Variants in OPCML observed in about 807,000 individuals in gnomAD.
OPCML encodes the protein opioid binding protein/cell adhesion molecule like.
OPCML carries 13 observed loss-of-function variants against 37.8 expected under a neutral mutation model. The observed-to-expected ratio is 0.34, with a 90% confidence interval of 0.22 to 0.55. OPCML has a LOEUF of 0.55. OPCML is among the 20% of genes least tolerant of loss of function. The pLI, the probability that OPCML is intolerant of heterozygous loss-of-function variation, is 0.91. For missense variants in OPCML, 341 were observed against 435.6 expected, an observed-to-expected ratio of 0.78 and a Z score of 1.93; for synonymous variants, 176 against 168.8, an observed-to-expected ratio of 1.04 and a Z score of -0.33.
chr11:133,160,864 G>A (rs1320260926), intron 1 of OPCML, among the ~76,000 whole-genome samples: 1 of 152,230 alleles, frequency 6.6e-6, no homozygotes, highest in East Asian at 1.9e-4. Flanking sequence ...GGATGGGAAG[G>A]AGACAAAGCC....
In OPCML at chr11:132,602,509, G is replaced by T. The variant is rs959571146; in HGVS notation, c.379+54578C>A. 2.0e-5 allele frequency among the ~76,000 whole-genome samples: 3 copies of T among 152,180 alleles called. No individual in the cohort carries two copies. The East Asian group carries it at 5.8e-4, about 29-fold the overall frequency. Reference sequence around the variant, plus strand: ...AAAATTCTGTTTGCTTCTGAGTCCCGGAAGGCAAGAGTTTGGTTCTCTCAC... The same window carrying T: ...AAAATTCTGTTTGCTTCTGAGTCCCTGAAGGCAAGAGTTTGGTTCTCTCAC... On this transcript the variant is annotated intron_variant, in intron 3 of 7. Transcript: ENST00000524381.
intron 2 of OPCML, among the ~76,000 whole-genome samples, chr11:132,904,519 T>C (rs1485523229): frequency 6.6e-6 from 1 of 152,202 alleles, no homozygotes; most frequent in Admixed American, 6.5e-5. Flanking sequence ...ATAAATGCAA[T>C]TTGGAGAATT....
Position 133,303,597 on chromosome 11 carries a change from C to T in OPCML, c.61+228667G>A, listed in dbSNP as rs1251732316. On this transcript the variant is annotated intron_variant, in intron 1 of 7. Coordinates refer to ENST00000524381, the MANE Select transcript of OPCML (RefSeq NM_001012393.5). The stretch of plus-strand genomic sequence containing the variant: ...TTGCATCACAATGGATATTTGAATC[C>T]GGTCTGATGTCGAATGAGACTTGCA... 3.9e-5 allele frequency among the ~76,000 whole-genome samples: 6 copies of T among 152,102 alleles called. No homozygotes were observed. In the East Asian group the frequency reaches 5.8e-4, roughly 15 times the overall value.
intron 1 of OPCML, among the ~76,000 whole-genome samples, chr11:133,449,699 G>A (rs1565640050): frequency 6.6e-6 from 1 of 151,472 alleles, no homozygotes; most frequent in Non-Finnish European, 1.5e-5. Context: ...CTCATCCTAT[G>A]AGAACACTTG....
At chr11:133,201,127 T>C (rs990171506) in intron 1 of OPCML, among the ~76,000 whole-genome samples, 1 of 152,068 alleles carries the variant, frequency 6.6e-6, no homozygotes, top group Admixed American at 6.6e-5. Context: ...AGGGGCCCAC[T>C]TGAGAGTGGA....
At chr11:132,486,643 T>A (rs985397868) in intron 4 of OPCML, among the ~76,000 whole-genome samples, 1 of 152,184 alleles carries the variant, frequency 6.6e-6, no homozygotes, top group African/African-American at 2.4e-5. Context: ...TTTTCTTTTT[T>A]AATTTTCCTT....
intron 2 of OPCML, among the ~76,000 whole-genome samples, chr11:132,866,703 A>C (rs1942573939): frequency 6.6e-6 from 1 of 152,234 alleles, no homozygotes; most frequent in South Asian, 2.1e-4. Context: ...TATACAGACA[A>C]TTTTCAAATA....
At position 133,211,094 on chromosome 11, in the gene OPCML, A is replaced by G. The variant is rs1397192380; in HGVS notation, c.62-268084T>C. ...TGAAATGAGGCATCATTCAAAACAG[A>G]GGCTTGCCCACTGCAACTCAGCTTT... is the stretch of plus-strand genomic sequence containing the variant. On this transcript the variant is annotated intron_variant, in intron 1 of 7. Transcript: ENST00000524381. This position sits in a 1 kb window ranked among gnomAD's most constrained non-coding sequence, Gnocchi z 4.1. Among the ~76,000 whole-genome samples the G allele has an allele frequency of 6.6e-6, 1 of 152,230 alleles. No homozygotes were observed.
intron 4 of OPCML, among the ~76,000 whole-genome samples, chr11:132,440,506 C>A (rs772112284): frequency 6.6e-6 from 1 of 152,050 alleles, no homozygotes; most frequent in Non-Finnish European, 1.5e-5. Flanking sequence ...TCTCTCCCAC[C>A]CACACACGTG....
chr11:133,038,826 C>CAAA (rs11429741), intron 1 of OPCML, among the ~76,000 whole-genome samples: 4 of 143,888 alleles, frequency 2.8e-5, no homozygotes, highest in Non-Finnish European at 4.6e-5. Flanking sequence ...TCTATGTTGC[C>CAAA]AAAAAAAAAA....
chr11:133,316,190 A>G (rs2136608463), intron 1 of OPCML, among the ~76,000 whole-genome samples: 1 of 152,300 alleles, frequency 6.6e-6, no homozygotes. Flanking sequence ...CACATTCTGT[A>G]TGCTCAGATA....
chr11:133,335,458 C>T (rs1368401962), intron 1 of OPCML, among the ~76,000 whole-genome samples: 1 of 152,170 alleles, frequency 6.6e-6, no homozygotes, highest in Non-Finnish European at 1.5e-5. Flanking sequence ...CCCCTGGAGG[C>T]TGCATCCATG....
chr11:132,697,976 CTATT>C (rs59713386), intron 2 of OPCML, among the ~76,000 whole-genome samples: 23,150 of 133,720 alleles, frequency 0.17, 2,095 homozygotes, highest in Non-Finnish European at 0.2. Flanking sequence ...ATTTTATTTT[CTATT>C]TATTTATTTA....
intron 1 of OPCML, among the ~76,000 whole-genome samples, chr11:132,976,820 G>T (rs1257703332): frequency 5.3e-5 from 8 of 152,112 alleles, no homozygotes; most frequent in Non-Finnish European, 1.2e-4. Context: ...AGAAAACAGT[G>T]TTCTTATTTG....
intron 2 of OPCML, among the ~76,000 whole-genome samples, chr11:132,845,893 TC>T (rs1367303649): frequency 6.6e-6 from 1 of 152,140 alleles, no homozygotes; most frequent in African/African-American, 2.4e-5. Context: ...GAAAGGCCCA[TC>T]CTGATGCCTG....
intron 1 of OPCML, among the ~76,000 whole-genome samples, chr11:133,367,194 G>A (rs1209538372): frequency 2.0e-5 from 3 of 152,080 alleles, no homozygotes; most frequent in African/African-American, 7.2e-5. Context: ...GGCTAGGATG[G>A]TCTCCATCTC....
At chr11:133,243,502 A>C (rs963762958) in intron 1 of OPCML, among the ~76,000 whole-genome samples, 14 of 152,240 alleles carry the variant, frequency 9.2e-5, no homozygotes, top group African/African-American at 3.4e-4. Flanking sequence ...AAATGTGTTC[A>C]CAGCAAGGTG....
intron 1 of OPCML, among the ~76,000 whole-genome samples, chr11:133,477,005 AC>A (rs1472485460): frequency 6.6e-6 from 1 of 152,198 alleles, no homozygotes; most frequent in Non-Finnish European, 1.5e-5. Flanking sequence ...GCTGACTTTT[AC>A]AAAACAGGAC....
intron 1 of OPCML, among the ~76,000 whole-genome samples, chr11:133,039,424 A>T (rs182064136): frequency 1.3e-5 from 2 of 152,272 alleles, no homozygotes; most frequent in Admixed American, 1.3e-4. Flanking sequence ...TCCAGCCCTG[A>T]TCAGAGGCGC....
Sources: allele counts gnomAD v4.1 joint callset (sites outside exome capture counted in the v4.1 genomes callset), GRCh38; gene constraint gnomAD v4.1.1; non-coding constraint Gnocchi (gnomAD v3.1); transcripts MANE v1.5; gene names NCBI Gene and HGNC (gene_info 2026-07-23, HGNC 2026-07-21).